The following SLC24A2 variants were observed in gnomAD, a reference collection of about 807,000 sequenced individuals.
SLC24A2 encodes solute carrier family 24 member 2, also known as sodium/potassium/calcium exchanger 2.
A neutral mutation model predicts 62.0 loss-of-function variants in SLC24A2; 36 were observed. The observed-to-expected ratio is 0.58, with a 90% CI of 0.44 to 0.77. The LOEUF is 0.77. SLC24A2 is among the 30% of genes least tolerant of loss of function. The pLI is 0.00. For synonymous variants in SLC24A2, 358 were observed against 294.0 expected (o/e 1.22, Z -2.23); for missense variants, 846 against 817.9 (o/e 1.03, Z -0.42).
At chr9:19,613,055 A>C (rs1450904915) in intron 4 of SLC24A2, among the ~76,000 whole-genome samples, 1 of 152,220 alleles carries the variant, frequency 6.6e-6, no homozygotes, top group Non-Finnish European at 1.5e-5. Flanking sequence ...GATGAGATAT[A>C]TAAGAGACAA....
At chr9:19,962,643 C>T in the SLC24A2 span, among the ~76,000 whole-genome samples, 2 of 152,150 alleles carry the variant, frequency 1.3e-5, no homozygotes, top group African/African-American at 4.8e-5. Flanking sequence ...TGGGAGTTCA[C>T]TCATGATTTG....
At chr9:19,667,936 T>C (rs987454694) in intron 2 of SLC24A2, among the ~76,000 whole-genome samples, 7 of 152,346 alleles carry the variant, frequency 4.6e-5, no homozygotes, top group Middle Eastern at 3.4e-3. Flanking sequence ...CTTTTCCTTC[T>C]CATCCACTGC....
chr9:20,177,102 C>G, the SLC24A2 span, among the ~76,000 whole-genome samples: 2 of 152,068 alleles, frequency 1.3e-5, no homozygotes, highest in Non-Finnish European at 2.9e-5. Flanking sequence ...ATTAGATTGG[C>G]TGACATTTAT....
chr9:20,164,665 C>T, the SLC24A2 span, among the ~76,000 whole-genome samples: 1 of 151,732 alleles, frequency 6.6e-6, no homozygotes, highest in East Asian at 1.9e-4. Flanking sequence ...AATCATGCTG[C>T]TATAAAGACA....
At chr9:19,711,943 A>G (rs1820726919) in intron 2 of SLC24A2, among the ~76,000 whole-genome samples, 1 of 152,208 alleles carries the variant, frequency 6.6e-6, no homozygotes, top group African/African-American at 2.4e-5. Flanking sequence ...CATTATTTCA[A>G]AAAACAAGGG....
chr9:20,259,975 C>A, the SLC24A2 span, among the ~76,000 whole-genome samples: 1 of 152,068 alleles, frequency 6.6e-6, no homozygotes, highest in Admixed American at 6.6e-5. Context: ...TCCCAGCTAC[C>A]CAGGAGGCTG....
chr9:20,135,987 A>T, the SLC24A2 span, among the ~76,000 whole-genome samples: 1 of 152,104 alleles, frequency 6.6e-6, no homozygotes, highest in Non-Finnish European at 1.5e-5. Context: ...AAGATCTACT[A>T]TGTGCCAGAT....
At chr9:19,735,637 A>G (rs1429948779) in intron 2 of SLC24A2, among the ~76,000 whole-genome samples, 17 of 152,234 alleles carry the variant, frequency 1.1e-4, no homozygotes, top group Non-Finnish European at 2.4e-4. Context: ...GACTAGATTA[A>G]GAAAATGTGG....
chr9:19,904,266 A>G, the SLC24A2 span, among the ~76,000 whole-genome samples: 3 of 152,226 alleles, frequency 2.0e-5, no homozygotes, highest in Admixed American at 1.3e-4. Flanking sequence ...TTTCAGAAGC[A>G]GTGATCTAGA....
chr9:20,187,481 C>T, the SLC24A2 span, among the ~76,000 whole-genome samples: 230 of 152,314 alleles, frequency 1.5e-3, 2 homozygotes, highest in Non-Finnish European at 9.7e-4. Context: ...TTGCCTACCT[C>T]AACAGCCTCA....
the SLC24A2 span, among the ~76,000 whole-genome samples, chr9:20,162,287 T>C: frequency 6.6e-6 from 1 of 151,664 alleles, no homozygotes; most frequent in South Asian, 2.1e-4. Flanking sequence ...TTAGAAGATA[T>C]AATTCAAAAG....
the SLC24A2 span, among the ~76,000 whole-genome samples, chr9:19,881,611 C>T: frequency 7.9e-5 from 12 of 152,292 alleles, no homozygotes; most frequent in East Asian, 1.4e-3. Flanking sequence ...AGCAAATTCA[C>T]AACCCTTATC....
At chr9:20,277,113 G>C in the SLC24A2 span, among the ~76,000 whole-genome samples, 1 of 152,166 alleles carries the variant, frequency 6.6e-6, no homozygotes, top group African/African-American at 2.4e-5. Flanking sequence ...CTCAGAAAAT[G>C]GGGTTTTCCC....
chr9:19,657,733 C>A (rs1361569908), intron 2 of SLC24A2, among the ~76,000 whole-genome samples: 2 of 152,094 alleles, frequency 1.3e-5, no homozygotes, highest in Non-Finnish European at 2.9e-5. Context: ...TACTTTCTTT[C>A]TTTCTTTTTT....
At chr9:20,117,227 G>A in the SLC24A2 span, among the ~76,000 whole-genome samples, 6 of 152,104 alleles carry the variant, frequency 3.9e-5, no homozygotes, top group East Asian at 3.9e-4. Flanking sequence ...ATGACTTCTC[G>A]AAAAATTCCT....
At chr9:19,566,858 G>A (rs971109258) in intron 7 of SLC24A2, among the ~76,000 whole-genome samples, 26 of 147,928 alleles carry the variant, frequency 1.8e-4, no homozygotes, top group Non-Finnish European at 8.9e-5. Context: ...ACTATCGCAA[G>A]AACAAAAAAC....
At chr9:19,634,051 C>T (rs545703318) in intron 2 of SLC24A2, among the ~76,000 whole-genome samples, 2 of 151,994 alleles carry the variant, frequency 1.3e-5, no homozygotes, top group East Asian at 3.9e-4. Context: ...TATTTTTTTC[C>T]TAGATGTTTT....
At position 19,545,063 on chromosome 9, in the gene SLC24A2, C is replaced by T. The variant is rs149029757; in HGVS notation, c.1479+5074G>A. Among the ~76,000 whole-genome samples, 37 of 152,252 alleles carry T rather than the reference C, an allele frequency of 2.4e-4. No individual in the cohort carries two copies. The East Asian group carries it at 7.2e-3, about 29-fold the overall frequency. On this transcript the variant is annotated intron_variant, in intron 8 of 10. Coordinates refer to ENST00000341998, the MANE Select transcript of SLC24A2 (RefSeq NM_020344.4). ...TTCTCTCCATCACTTTCAGGTACAC[C>T]AATCAGAGGTGGATTTGATCTTTTC...
chr9:19,717,120 G>A (rs1587208669), intron 2 of SLC24A2, among the ~76,000 whole-genome samples: 1 of 152,090 alleles, frequency 6.6e-6, no homozygotes, highest in East Asian at 1.9e-4. Flanking sequence ...CATATGAGGT[G>A]GACTCACAAT....
Sources: allele counts gnomAD v4.1 joint callset (sites outside exome capture counted in the v4.1 genomes callset), GRCh38; gene constraint gnomAD v4.1.1; transcripts MANE v1.5; gene names NCBI Gene and HGNC (gene_info 2026-07-23, HGNC 2026-07-21).